Variants in FHL2 observed in about 807,000 individuals in gnomAD.
FHL2 encodes the protein four and a half LIM domains protein 2.
Under a neutral mutation model 32.7 loss-of-function variants are expected in FHL2, and 20 were observed. That is an observed-to-expected ratio of 0.61 (90% confidence interval 0.43 to 0.89). The LOEUF (loss-of-function observed/expected upper bound fraction) is 0.89. Ranked by LOEUF, FHL2 falls within the 40% of genes least tolerant of loss-of-function variation. The pLI is 0.00. For missense variants in FHL2, 311 were observed against 358.6 expected, an observed-to-expected ratio of 0.87 and a Z score of 1.07; for synonymous variants, 123 against 128.1, an observed-to-expected ratio of 0.96 and a Z score of 0.27.
At chr2:105,399,640 T>G, upstream of FHL2, 2 of 1,503,146 alleles carry the variant, frequency 1.3e-6, no homozygotes, top group Non-Finnish European at 1.8e-6. Flanking sequence ...ACATCTTGGA[T>G]TCCCCTCCAG....
chr2:105,424,961 G>A (rs1394561325), intron 1 of FHL2, among the ~76,000 whole-genome samples: 1 of 151,922 alleles, frequency 6.6e-6, no homozygotes, highest in Admixed American at 6.6e-5. Flanking sequence ...CGTGGCACAT[G>A]TGTACCTATG....
At chr2:105,377,925 G>T in intron 3 of FHL2, 1 of 402,680 alleles carries the variant, frequency 2.5e-6, no homozygotes, top group East Asian at 7.1e-5. Context: ...GCCCAGAGGG[G>T]TGGCAAGTTA....
At chr2:105,401,064 CTTTTTT>C (rs10561053), upstream of FHL2, among the ~76,000 whole-genome samples, 3 of 125,536 alleles carry the variant, frequency 2.4e-5, no homozygotes, top group East Asian at 4.4e-4. Context: ...TTATTGGATT[CTTTTTT>C]TTTTTTTTTT....
chr2:105,368,984 G>T (rs1017845088), intron 4 of FHL2, among the ~76,000 whole-genome samples: 6 of 152,200 alleles, frequency 3.9e-5, no homozygotes, highest in African/African-American at 1.4e-4. Context: ...GTTTACATCC[G>T]CTTTTAAGCT....
intron 4 of FHL2, among the ~76,000 whole-genome samples, chr2:105,369,881 G>A (rs563066221): frequency 6.6e-6 from 1 of 152,308 alleles, no homozygotes; most frequent in Admixed American, 6.5e-5. Flanking sequence ...GGAATGCACA[G>A]GGCACCTGGA....
intron 1 of FHL2, among the ~76,000 whole-genome samples, chr2:105,424,986 A>G (rs537328389): frequency 6.6e-6 from 1 of 152,148 alleles, no homozygotes; most frequent in East Asian, 1.9e-4. Flanking sequence ...AAACCTGCAC[A>G]TTCCGTACAT....
At chr2:105,381,455 T>G (rs1041325027) in intron 3 of FHL2, among the ~76,000 whole-genome samples, 11 of 152,136 alleles carry the variant, frequency 7.2e-5, no homozygotes, top group Non-Finnish European at 1.6e-4. Flanking sequence ...TCGCGCAGCT[T>G]GTCAAAGGTG....
intron 1 of FHL2, among the ~76,000 whole-genome samples, chr2:105,409,680 G>C (rs748258649): frequency 6.6e-6 from 1 of 152,146 alleles, no homozygotes; most frequent in Non-Finnish European, 1.5e-5. Context: ...TGCCCATCTA[G>C]GCTCTTTGTC....
intron 1 of FHL2, among the ~76,000 whole-genome samples, chr2:105,432,877 A>T (rs1684480466): frequency 6.6e-6 from 1 of 152,254 alleles, no homozygotes; most frequent in Non-Finnish European, 1.5e-5. Flanking sequence ...GTAGGGAGTG[A>T]ATATGAAACC....
chr2:105,381,460 A>G (rs1681881122), intron 3 of FHL2, among the ~76,000 whole-genome samples: 1 of 152,068 alleles, frequency 6.6e-6, no homozygotes, highest in African/African-American at 2.4e-5. Flanking sequence ...CAGCTTGTCA[A>G]AGGTGGAGCC....
chr2:105,383,666 T>G (rs1349149511), intron 3 of FHL2, among the ~76,000 whole-genome samples: 1 of 152,200 alleles, frequency 6.6e-6, no homozygotes, highest in Non-Finnish European at 1.5e-5. Flanking sequence ...CCACCAGACC[T>G]AAGAGCACAG....
At chr2:105,415,499 C>G (rs547792844) in intron 1 of FHL2, among the ~76,000 whole-genome samples, 15 of 152,308 alleles carry the variant, frequency 9.8e-5, no homozygotes, top group Middle Eastern at 3.4e-3. Context: ...AATAAATAAT[C>G]AGCATATCTT....
chr2:105,363,388 C>G lies in FHL2; in HGVS notation c.585G>C (p.Leu195=), dbSNP rs1573274273. 1.2e-6 allele frequency: 2 copies of G among 1,613,922 alleles called. No homozygotes were observed. The highest frequency in any genetic ancestry group is 1.1e-5 in the South Asian group (1 of 91,026). ...CGCGAGCTGTGAAGCGCTGCCCAGA[C>G]AGCTGCTTCCTGCAGGCGGTGCACA... The part of the protein sequence containing the change: ...CFVCTACRKQ[L]SGQRFTARDD... The change falls in exon 6 of 7, where the codon CTG becomes CTC. Residue 195 remains leucine (L), a synonymous_variant. Transcript: ENST00000530340.
chr2:105,400,032 C>T (rs1195801382), upstream of FHL2, among the ~76,000 whole-genome samples: 1 of 152,194 alleles, frequency 6.6e-6, no homozygotes, highest in Non-Finnish European at 1.5e-5. Flanking sequence ...GGGTCTCCAT[C>T]ATGGAATCAC....
intron 3 of FHL2, among the ~76,000 whole-genome samples, chr2:105,379,159 G>A (rs1466879113): frequency 6.6e-6 from 1 of 152,164 alleles, no homozygotes; most frequent in African/African-American, 2.4e-5. Flanking sequence ...ATCACCATTG[G>A]GAAGTAATTG....
chr2:105,415,132 G>A (rs1683896853), intron 1 of FHL2, among the ~76,000 whole-genome samples: 1 of 152,216 alleles, frequency 6.6e-6, no homozygotes, highest in African/African-American at 2.4e-5. Flanking sequence ...ATAGGTAGGG[G>A]CAGAGTCAAG....
intron 3 of FHL2, among the ~76,000 whole-genome samples, chr2:105,382,540 G>C (rs960540780): frequency 6.6e-6 from 1 of 152,224 alleles, no homozygotes; most frequent in African/African-American, 2.4e-5. Flanking sequence ...CCTACCTATA[G>C]GGTGTTAGGA....
chr2:105,367,575 T>G lies in FHL2; in HGVS notation c.496A>C (p.Lys166Gln). ...KQHAMQCVQC[K>Q]KPITTGGVTY... ...CAAGGGGGCATCTGAGATACCTTTT[T>G]GCACTGAACGCACTGCATGGCATGT... is the stretch of plus-strand genomic sequence containing the variant. Residue 166 changes from lysine to glutamine, a missense_variant, in exon 5 of 7, where the codon AAA (lysine) becomes CAA (glutamine). Coordinates refer to ENST00000530340, the MANE Select transcript of FHL2 (RefSeq NM_001318895.3). 3 of 1,612,782 alleles carry G rather than the reference T, an allele frequency of 1.9e-6. No individual in the cohort carries two copies. In the East Asian group the frequency reaches 6.7e-5, roughly 36 times the overall value.
chr2:105,419,206 A>T (rs546471501), intron 1 of FHL2, among the ~76,000 whole-genome samples: 1 of 152,322 alleles, frequency 6.6e-6, no homozygotes, highest in African/African-American at 2.4e-5. Flanking sequence ...AAGGATTTTT[A>T]AAAAATTTTT....
Sources: gnomAD v4.1 joint callset for allele counts (sites outside exome capture counted in the v4.1 genomes callset) on GRCh38, gnomAD v4.1.1 for gene constraint, MANE v1.5 for transcripts, NCBI Gene and HGNC (gene_info 2026-07-23, HGNC 2026-07-21) for gene names.